The following EZH2 variants were observed in gnomAD, a reference collection of about 807,000 sequenced individuals.
EZH2 encodes histone-lysine N-methyltransferase EZH2.
EZH2 carries 18 observed loss-of-function variants against 98.4 expected under a neutral mutation model. That is an observed-to-expected ratio of 0.18 (90% CI 0.13 to 0.27). The LOEUF (loss-of-function observed/expected upper bound fraction) is 0.27. Ranked by LOEUF, EZH2 falls within the 10% of genes least tolerant of loss-of-function variation. The pLI is 1.00. For missense variants in EZH2, 470 were observed against 935.1 expected (o/e 0.50, Z 6.49); for synonymous variants, 338 against 312.3 (o/e 1.08, Z -0.87).
chr7:148,824,846 G>C (rs1376777531), intron 8 of EZH2, among the ~76,000 whole-genome samples: 1 of 152,072 alleles, frequency 6.6e-6, no homozygotes, highest in Non-Finnish European at 1.5e-5. Flanking sequence ...TGGACCCATG[G>C]CCACCAAATG....
At chr7:148,868,667 A>G (rs1818890009) in intron 1 of EZH2, among the ~76,000 whole-genome samples, 1 of 152,212 alleles carries the variant, frequency 6.6e-6, no homozygotes, top group African/African-American at 2.4e-5. Flanking sequence ...AGTGGCTGAC[A>G]TTAAGAATCT....
chr7:148,859,922 A>G (rs1251041324), intron 1 of EZH2, among the ~76,000 whole-genome samples: 3 of 152,204 alleles, frequency 2.0e-5, no homozygotes, highest in African/African-American at 7.2e-5. Flanking sequence ...AGGTCTCATT[A>G]TCCTGAACAA....
intron 15 of EZH2, 37 bp from the exon 16 acceptor site, chr7:148,811,757 A>C (rs766116910): frequency 2.6e-6 from 4 of 1,568,082 alleles, no homozygotes; most frequent in Admixed American, 3.3e-5. Flanking sequence ...TCAAAAAAGG[A>C]GGGTGAAAAT....
chr7:148,808,406 T>G (rs734003), intron 19 of EZH2, among the ~76,000 whole-genome samples: 105,219 of 152,188 alleles, frequency 0.69, 36,715 homozygotes, highest in African/African-American at 0.77. Flanking sequence ...CTGGATGGGA[T>G]GTACACGGGG....
At chr7:148,876,169 C>A (rs991391578) in intron 1 of EZH2, 2 of 152,060 alleles carry the variant, frequency 1.3e-5, no homozygotes, top group African/African-American at 2.4e-5. Context: ...CGCCTGTAAT[C>A]CCAGCTACTC....
chr7:148,879,238 CAAAAACA>C (rs1341908884), intron 1 of EZH2, among the ~76,000 whole-genome samples: 4 of 141,776 alleles, frequency 2.8e-5, no homozygotes, highest in African/African-American at 9.2e-5. Flanking sequence ...AAAACAAAAA[CAAAAACA>C]AAAAACAAAA....
chr7:148,880,323 C>G (rs111670803), intron 1 of EZH2, among the ~76,000 whole-genome samples: 1 of 152,142 alleles, frequency 6.6e-6, no homozygotes, highest in African/African-American at 2.4e-5. Context: ...GTCGCTACAT[C>G]CTTCAGTTTT....
intron 3 of EZH2, among the ~76,000 whole-genome samples, chr7:148,842,977 G>A (rs1229766665): frequency 6.6e-6 from 1 of 152,096 alleles, no homozygotes; most frequent in Admixed American, 6.6e-5. Flanking sequence ...GGAGGCCAAG[G>A]TGGGTGGATC....
chr7:148,819,678 G>C lies in EZH2; in HGVS notation c.917C>G (p.Ala306Gly). The change falls in exon 9 of 20, where the codon GCA (alanine) becomes GGA (glycine). Residue 306 changes from alanine (A) to glycine (G), a missense_variant. Ala to Gly is a moderately conservative substitution (Grantham distance 60, BLOSUM62 0). Around this residue, in one of 6 missense-constraint regions of EZH2, gnomAD observed 192 missense variants for 306.8 expected, o/e 0.63. Transcript: ENST00000320356. ...LHRKCNYSFHATPNTYKRKNT... is the reference protein window; with the variant it reads ...LHRKCNYSFHGTPNTYKRKNT... ...CTTCCGCTTATAAGTGTTGGGTGTTGCATGAAAAGCTGCAAAATAAATGAA... is the reference window on the plus strand; with the variant it reads ...CTTCCGCTTATAAGTGTTGGGTGTTCCATGAAAAGCTGCAAAATAAATGAA... 6.2e-7 allele frequency: 1 copy of C among 1,613,682 alleles called. No individual in the cohort carries two copies. Among genetic ancestry groups the C allele is most frequent in the Non-Finnish European group, 8.5e-7 (1 of 1,179,786 alleles).
At chr7:148,869,944 G>A (rs1819097832) in intron 1 of EZH2, among the ~76,000 whole-genome samples, 1 of 152,168 alleles carries the variant, frequency 6.6e-6, no homozygotes, top group African/African-American at 2.4e-5. Context: ...TTCTTGGTCT[G>A]GCATGATGGC....
chr7:148,827,023 A>G, intron 7 of EZH2, 141 bp downstream of exon 7: 1 of 615,536 alleles, frequency 1.6e-6, no homozygotes, highest in East Asian at 2.6e-5. Flanking sequence ...CCACAAGTAC[A>G]CATGTTGCTT....
At chr7:148,873,942 G>A (rs1010495782) in intron 1 of EZH2, among the ~76,000 whole-genome samples, 9 of 152,146 alleles carry the variant, frequency 5.9e-5, no homozygotes, top group African/African-American at 2.2e-4. Context: ...ATGGGAGAGG[G>A]GTGGTTTCAA....
intron 3 of EZH2, chr7:148,837,108 G>C (rs758100903): frequency 1.0e-5 from 4 of 393,262 alleles, no homozygotes; most frequent in Non-Finnish European, 2.0e-5. Context: ...CTGTGAGGTA[G>C]GTATGACTCC....
At chr7:148,871,814 A>T (rs1194023226) in intron 1 of EZH2, among the ~76,000 whole-genome samples, 1 of 152,032 alleles carries the variant, frequency 6.6e-6, no homozygotes, top group Non-Finnish European at 1.5e-5. Flanking sequence ...GCCTCAACTG[A>T]TCCTCCCACC....
At chr7:148,863,066 A>T (rs1447570846) in intron 1 of EZH2, among the ~76,000 whole-genome samples, 1 of 145,240 alleles carries the variant, frequency 6.9e-6, no homozygotes, top group Non-Finnish European at 1.5e-5. Context: ...CCTGGATGAC[A>T]GAGTGAGACC....
chr7:148,808,906 G>A (rs942064880), intron 19 of EZH2, among the ~76,000 whole-genome samples, 165 bp downstream of exon 19: 5 of 152,024 alleles, frequency 3.3e-5, no homozygotes, highest in African/African-American at 1.2e-4. Flanking sequence ...ATATATAAAT[G>A]GATAATAAAT....
At chr7:148,860,811 A>G (rs1440150953) in intron 1 of EZH2, among the ~76,000 whole-genome samples, 1 of 152,122 alleles carries the variant, frequency 6.6e-6, no homozygotes, top group Non-Finnish European at 1.5e-5. Flanking sequence ...AGCTGGGACC[A>G]CATGTGCACA....
chr7:148,882,082 T>C (rs1821084934), intron 1 of EZH2, among the ~76,000 whole-genome samples: 2 of 152,112 alleles, frequency 1.3e-5, no homozygotes, highest in African/African-American at 2.4e-5. Context: ...ATTAATAGGA[T>C]TTTTTAAATA....
At chr7:148,881,951 T>TAC (rs199896683) in intron 1 of EZH2, among the ~76,000 whole-genome samples, 367 of 109,824 alleles carry the variant, frequency 3.3e-3, no homozygotes, top group Middle Eastern at 0.014. Context: ...AAAAAACATA[T>TAC]ACACACACAC....
Sources: allele counts gnomAD v4.1 joint callset (sites outside exome capture counted in the v4.1 genomes callset), GRCh38; gene constraint gnomAD v4.1.1; regional missense constraint gnomAD v4.1.1; transcripts MANE v1.5; gene names NCBI Gene and HGNC (gene_info 2026-07-23, HGNC 2026-07-21).